Variants in NSD1 observed in about 807,000 individuals in gnomAD.
The protein encoded by NSD1 is histone-lysine N-methyltransferase, H3 lysine-36 specific.
A neutral mutation model predicts 242.7 loss-of-function variants in NSD1; 26 were observed. The observed-to-expected ratio is 0.11, with a 90% confidence interval of 0.08 to 0.15. The LOEUF (loss-of-function observed/expected upper bound fraction) is 0.15. NSD1 is among the 10% of genes least tolerant of loss of function. The pLI, the probability that NSD1 is intolerant of heterozygous loss-of-function variation, is 1.00. For synonymous variants in NSD1, 1,106 were observed against 1,178.1 expected (o/e 0.94, Z 1.25); for missense variants, 2,495 against 3,272.8 (o/e 0.76, Z 5.80).
Position 177,258,392 on chromosome 5 carries a change from ACT to A in NSD1, c.4966+1244_4966+1245del, listed in dbSNP as rs1756707438. ...TTGTTTGTTTGTTTTTTTAATGAAA[ACT>A]CTTGTCCTAGAAATTTTCTTCTGCT... On this transcript the variant is annotated intron_variant, in intron 13 of 22. Coordinates refer to ENST00000439151, the MANE Select transcript of NSD1 (RefSeq NM_022455.5). Among the ~76,000 whole-genome samples, 3 of 149,916 alleles carry A rather than the reference ACT, an allele frequency of 2.0e-5. No individual in the cohort carries two copies. In the South Asian group the frequency reaches 6.4e-4, roughly 32 times the overall value.
At chr5:177,139,338 C>T (rs970196417) in intron 2 of NSD1, among the ~76,000 whole-genome samples, 6 of 135,856 alleles carry the variant, frequency 4.4e-5, no homozygotes, top group African/African-American at 8.4e-5. Context: ...GTGGCAGGCT[C>T]GGGAGGTTGA....
intron 2 of NSD1, among the ~76,000 whole-genome samples, chr5:177,157,177 G>A (rs1291248506): frequency 1.3e-5 from 2 of 152,078 alleles, no homozygotes; most frequent in Non-Finnish European, 2.9e-5. Flanking sequence ...AGACCAGCCT[G>A]ACCAACATGG....
In NSD1 at chr5:177,264,028, A is replaced by ATTTTTTTTTTTTTTTTTTTTTTTTT. The variant is rs61538775; in HGVS notation, c.5147-3532_5147-3508dup. On this transcript the variant is annotated intron_variant, in intron 14 of 22. Transcript: ENST00000439151. Reference sequence around the variant, plus strand: ...AAGATGCATATGACTCAATGAACCAATTTTTTTTTTTTTTTTTTTTTTTTT... The same window carrying ATTTTTTTTTTTTTTTTTTTTTTTTT: ...AAGATGCATATGACTCAATGAACCAATTTTTTTTTTTTTTTTTTTTTTTTTTTTTTTTTTTTTTTTTTTTTTTTTT... 9.6e-4 allele frequency among the ~76,000 whole-genome samples: 73 copies of ATTTTTTTTTTTTTTTTTTTTTTTTT among 76,380 alleles called. 12 individuals are homozygous for ATTTTTTTTTTTTTTTTTTTTTTTTT. Among genetic ancestry groups the ATTTTTTTTTTTTTTTTTTTTTTTTT allele is most frequent in the Non-Finnish European group, 1.2e-3 (48 of 40,752 alleles). The allele number at this position is 76,380 out of a possible 152,430, so 50.1% of individuals were successfully genotyped here.
At position 177,154,033 on chromosome 5, in the gene NSD1, C is replaced by T. The variant is rs542384131; in HGVS notation, c.927+18003C>T. 1.1e-3 allele frequency among the ~76,000 whole-genome samples: 172 copies of T among 152,038 alleles called. 2 individuals are homozygous for T. Among genetic ancestry groups the T allele is most frequent in the Non-Finnish European group, 2.2e-3 (147 of 68,026 alleles). On this transcript the variant is annotated intron_variant, in intron 2 of 22. Transcript: ENST00000439151. The stretch of plus-strand genomic sequence containing the variant: ...TCAGTCTCTCTAATGAATTTACAGT[C>T]AAGATGTCTGCCAGGGCTGCGGTCT...
rs770074253 is a variant in NSD1 at position 177,135,755 on chromosome 5, AGACACG to A, written c.654_659del (p.Arg218_Gly220delinsSer). On this transcript the variant is annotated inframe_deletion, in exon 2 of 23. Coordinates refer to ENST00000439151, the MANE Select transcript of NSD1 (RefSeq NM_022455.5). ...TGAACAAGACAGCACACCAGAGAGT[AGACACG>A]GTGCAGTCAAATCGCCATTCTTGCC... 2 of 1,614,188 alleles carry A rather than the reference AGACACG, an allele frequency of 1.2e-6. No homozygotes were observed. The highest frequency in any genetic ancestry group is 1.7e-6 in the Non-Finnish European group (2 of 1,180,004).
At chr5:177,172,340 CT>C (rs1056313211) in intron 2 of NSD1, among the ~76,000 whole-genome samples, 25 of 149,318 alleles carry the variant, frequency 1.7e-4, no homozygotes, top group East Asian at 9.8e-4. Context: ...TTATAATTGT[CT>C]TTTTTTTTTC....
At position 177,298,334 on chromosome 5, in the gene NSD1, G is replaced by A; in HGVS notation, c.*2875G>A. 1 of 233,294 alleles carries A rather than the reference G, an allele frequency of 4.3e-6. No homozygotes were observed. The highest frequency in any genetic ancestry group is 8.5e-6 in the Non-Finnish European group (1 of 118,050). 14.5% of individuals were successfully genotyped at this position (233,294 alleles called of 1,614,324 possible). Reference sequence around the variant, plus strand: ...TGTTTGCCTTGGAGCCAGCTCCCCAGGAGGCCTTTTCCAGGGACAAGGCAA... The same window carrying A: ...TGTTTGCCTTGGAGCCAGCTCCCCAAGAGGCCTTTTCCAGGGACAAGGCAA... On this transcript the variant is annotated 3_prime_UTR_variant, in exon 23 of 23. Transcript: ENST00000439151.
At chr5:177,291,894 C>G in intron 21 of NSD1, 60 bp from the exon 22 acceptor site, 1 of 1,487,924 alleles carries the variant, frequency 6.7e-7, no homozygotes, top group Middle Eastern at 1.7e-4. Context: ...GTAGTTAACC[C>G]GGTTAAGATT....
chr5:177,178,217 A>G (rs2149805544), intron 2 of NSD1, among the ~76,000 whole-genome samples: 1 of 152,116 alleles, frequency 6.6e-6, no homozygotes, highest in East Asian at 1.9e-4. Context: ...TTTAATAGAC[A>G]TTTGATTGAT....
chr5:177,243,258 C>T (rs1465166778), intron 8 of NSD1, among the ~76,000 whole-genome samples: 4 of 152,162 alleles, frequency 2.6e-5, no homozygotes, highest in East Asian at 1.9e-4. Flanking sequence ...GATCTTGGCT[C>T]AGTGCAACCT....
intron 17 of NSD1, among the ~76,000 whole-genome samples, chr5:177,276,535 A>C (rs1264506383): frequency 6.6e-6 from 1 of 152,174 alleles, no homozygotes; most frequent in African/African-American, 2.4e-5. Context: ...CATGTTAGCC[A>C]GGCTGGTCTT....
At position 177,158,519 on chromosome 5, in the gene NSD1, GT is replaced by G. The variant is rs138616760; in HGVS notation, c.927+22490del. ...CGCCTGGCTAATGTTTGTATTTTTG[GT>G]AGTGACAGGGTTTCACCACATTGGC... is the stretch of plus-strand genomic sequence containing the variant. On this transcript the variant is annotated intron_variant, in intron 2 of 22. Coordinates refer to ENST00000439151, the MANE Select transcript of NSD1 (RefSeq NM_022455.5). 9.8e-3 allele frequency among the ~76,000 whole-genome samples: 1,480 copies of G among 151,622 alleles called. 9 individuals are homozygous for G. Among genetic ancestry groups the G allele is most frequent in the Non-Finnish European group, 0.017 (1,142 of 67,916 alleles).
At chr5:177,206,446 T>C (rs1762873405) in intron 4 of NSD1, among the ~76,000 whole-genome samples, 1 of 152,212 alleles carries the variant, frequency 6.6e-6, no homozygotes, top group Admixed American at 6.5e-5. Context: ...GCAATACTTG[T>C]AGACTATTTT....
At chr5:177,208,789 G>A (rs375240759) in intron 4 of NSD1, among the ~76,000 whole-genome samples, 13 of 151,818 alleles carry the variant, frequency 8.6e-5, no homozygotes, top group East Asian at 3.9e-4. Flanking sequence ...TCCAACTCCC[G>A]GGTGCTAGTG....
At chr5:177,226,682 AGTT>A (rs1764657269) in intron 5 of NSD1, among the ~76,000 whole-genome samples, 1 of 152,134 alleles carries the variant, frequency 6.6e-6, no homozygotes, top group Non-Finnish European at 1.5e-5. Flanking sequence ...TTCACTTCAT[AGTT>A]GTTATACTGA....
chr5:177,283,719 A>T, intron 19 of NSD1, 68 bp from the exon 20 acceptor site: 2 of 1,539,028 alleles, frequency 1.3e-6, no homozygotes, highest in Non-Finnish European at 1.8e-6. Context: ...ATTAGAGAGA[A>T]TAGTCAAATT....
At chr5:177,189,051 C>A (rs1365255168) in intron 2 of NSD1, among the ~76,000 whole-genome samples, 9 of 151,986 alleles carry the variant, frequency 5.9e-5, no homozygotes, top group African/African-American at 1.2e-4. Context: ...TCAAAAAAAA[C>A]ACACAAAAAA....
In NSD1 at chr5:177,279,610, AT is replaced by A. The variant is rs536478404; in HGVS notation, c.5623-927del. Among the ~76,000 whole-genome samples, 570 of 95,214 alleles carry A rather than the reference AT, an allele frequency of 6.0e-3. 1 individual carries two copies. The highest frequency in any genetic ancestry group is 0.02 in the African/African-American group (510 of 25,794). 62.5% of individuals were successfully genotyped at this position (95,214 alleles called of 152,430 possible). Reference sequence around the variant, plus strand: ...TTCACCTGGCTTATCAGCTTTGAAAATTTTTTTTTTTTTTTTTTTTTTTTTT... The same window carrying A: ...TTCACCTGGCTTATCAGCTTTGAAAATTTTTTTTTTTTTTTTTTTTTTTTT... On this transcript the variant is annotated intron_variant, in intron 17 of 22. Transcript: ENST00000439151.
intron 3 of NSD1, among the ~76,000 whole-genome samples, chr5:177,198,018 T>C (rs890267260): frequency 6.6e-6 from 1 of 151,976 alleles, no homozygotes; most frequent in Non-Finnish European, 1.5e-5. Context: ...TTAATATTAG[T>C]CTTATTTTTG....
Sources: allele counts gnomAD v4.1 joint callset (sites outside exome capture counted in the v4.1 genomes callset), GRCh38; gene constraint gnomAD v4.1.1; transcripts MANE v1.5; gene names NCBI Gene and HGNC (gene_info 2026-07-23, HGNC 2026-07-21).